Variants in RIMKLB observed in about 807,000 individuals in gnomAD.
RIMKLB encodes beta-citrylglutamate synthase B.
A neutral mutation model predicts 32.0 loss-of-function variants in RIMKLB; 7 were observed. The observed-to-expected ratio is 0.22, with a 90% confidence interval of 0.12 to 0.41. The LOEUF is 0.41. Among genes scored for constraint, RIMKLB ranks in the 10% least tolerant of loss-of-function variants. The probability of loss-of-function intolerance (pLI) is 1.00; values close to 1 mark genes in which losing one functional copy is unlikely to be tolerated. For missense variants in RIMKLB, 289 were observed against 498.7 expected, an observed-to-expected ratio of 0.58 and a Z score of 4.00; for synonymous variants, 172 against 185.1, an observed-to-expected ratio of 0.93 and a Z score of 0.57.
chr12:8,758,563 G>A (rs1411925722), intron 5 of RIMKLB, among the ~76,000 whole-genome samples: 1 of 151,990 alleles, frequency 6.6e-6, no homozygotes, highest in Admixed American at 6.6e-5. Context: ...TTAATGTCAA[G>A]CATATTCATC....
chr12:8,703,018 G>A lies in RIMKLB; in HGVS notation c.-57+4721G>A, dbSNP rs1185425965. Among the ~76,000 whole-genome samples, 6 of 152,282 alleles carry A rather than the reference G, an allele frequency of 3.9e-5. No homozygotes were observed. In the South Asian group the frequency reaches 6.2e-4, roughly 16 times the overall value. ...AAATGTTTGGAGGCTGGGCATGGTGGCTCACACCTGTAATCCCAACACTTT... is the reference window on the plus strand; with the variant it reads ...AAATGTTTGGAGGCTGGGCATGGTGACTCACACCTGTAATCCCAACACTTT... On this transcript the variant is annotated intron_variant, in intron 1 of 5. Coordinates refer to ENST00000535829, the MANE Select transcript of RIMKLB (RefSeq NM_001297776.2).
upstream of RIMKLB, among the ~76,000 whole-genome samples, chr12:8,695,035 T>G (rs906972105): frequency 6.6e-6 from 1 of 152,194 alleles, no homozygotes; most frequent in Non-Finnish European, 1.5e-5. Context: ...TGATCTTCAT[T>G]TTGCTGATGA....
At chr12:8,736,841 C>T (rs774636985) in intron 2 of RIMKLB, among the ~76,000 whole-genome samples, 2 of 151,524 alleles carry the variant, frequency 1.3e-5, no homozygotes, top group African/African-American at 2.4e-5. Context: ...GACGGAGTTT[C>T]GCTCTTCTTG....
At chr12:8,762,064 G>A (rs1490975926) in intron 5 of RIMKLB, among the ~76,000 whole-genome samples, 1 of 152,166 alleles carries the variant, frequency 6.6e-6, no homozygotes, top group Non-Finnish European at 1.5e-5. Flanking sequence ...AAGTGCAGGG[G>A]CATATGGGTG....
intron 1 of RIMKLB, among the ~76,000 whole-genome samples, chr12:8,709,236 A>G (rs1003017229): frequency 3.9e-5 from 6 of 152,206 alleles, no homozygotes; most frequent in African/African-American, 1.4e-4. Context: ...CTGAATTTTA[A>G]GATTCTGGAT....
At chr12:8,770,804 A>T (rs188301847) in intron 5 of RIMKLB, among the ~76,000 whole-genome samples, 30 of 152,146 alleles carry the variant, frequency 2.0e-4, no homozygotes, top group African/African-American at 7.0e-4. Context: ...CCAACTTCCC[A>T]CCTCACCCCC....
chr12:8,740,971 G>T (rs1197051716), intron 2 of RIMKLB, among the ~76,000 whole-genome samples: 1 of 152,090 alleles, frequency 6.6e-6, no homozygotes, highest in East Asian at 1.9e-4. Context: ...CATTTTGGGA[G>T]ACTGAGGCGG....
intron 1 of RIMKLB, among the ~76,000 whole-genome samples, chr12:8,713,206 C>G (rs1213857295): frequency 6.6e-6 from 1 of 151,988 alleles, no homozygotes; most frequent in Non-Finnish European, 1.5e-5. Flanking sequence ...TATTGAGAGC[C>G]CTTTTGCTCA....
At chr12:8,671,338 C>T in the RIMKLB span, among the ~76,000 whole-genome samples, 3 of 151,890 alleles carry the variant, frequency 2.0e-5, no homozygotes, top group Admixed American at 2.0e-4. Context: ...GCAAATTCTG[C>T]TTCCCAGGTT....
Position 8,714,055 on chromosome 12 carries a change from C to T in RIMKLB, c.175+14C>T, listed in dbSNP as rs1316024992. 1.2e-6 allele frequency: 2 copies of T among 1,609,246 alleles called. No homozygotes were observed. The highest frequency in any genetic ancestry group is 1.7e-6 in the Non-Finnish European group (2 of 1,176,196). On this transcript the variant is annotated intron_variant, in intron 2 of 5. Coordinates refer to ENST00000535829, the MANE Select transcript of RIMKLB (RefSeq NM_001297776.2). The stretch of plus-strand genomic sequence containing the variant: ...AAGGAAACCTGGGTAAGTCTGTATA[C>T]TAAGTGATCTTTTGGATTTTTACCT...
chr12:8,781,456 C>T (rs928302471), downstream of RIMKLB, among the ~76,000 whole-genome samples: 1 of 152,214 alleles, frequency 6.6e-6, no homozygotes, highest in African/African-American at 2.4e-5. Context: ...TCTCTTCCAG[C>T]TGGCTATCTA....
At chr12:8,717,090 T>A (rs12322748) in intron 2 of RIMKLB, among the ~76,000 whole-genome samples, 2 of 151,002 alleles carry the variant, frequency 1.3e-5, no homozygotes, top group South Asian at 4.2e-4. Context: ...TTACATTTTT[T>A]ATGTATTATT....
intron 5 of RIMKLB, among the ~76,000 whole-genome samples, chr12:8,764,891 C>T (rs1949829903): frequency 6.6e-6 from 1 of 151,252 alleles, no homozygotes. Flanking sequence ...CTTTCTGTTC[C>T]AGAGCCTCCA....
chr12:8,702,323 C>T (rs1943480059), intron 1 of RIMKLB, among the ~76,000 whole-genome samples: 1 of 152,154 alleles, frequency 6.6e-6, no homozygotes, highest in Non-Finnish European at 1.5e-5. Context: ...GAAATGCGTA[C>T]TAATTTGTGA....
chr12:8,697,224 T>G (rs1352313891), upstream of RIMKLB: 1 of 152,248 alleles, frequency 6.6e-6, no homozygotes, highest in Non-Finnish European at 1.5e-5. Flanking sequence ...CCACCCCGCC[T>G]GTATCTCCAA....
intron 2 of RIMKLB, among the ~76,000 whole-genome samples, chr12:8,733,868 G>A (rs1333960639): frequency 6.6e-6 from 1 of 152,154 alleles, no homozygotes; most frequent in Non-Finnish European, 1.5e-5. Context: ...GACACAGTGA[G>A]ACCCTGTCTC....
At chr12:8,768,113 C>A (rs1950117731) in intron 5 of RIMKLB, among the ~76,000 whole-genome samples, 1 of 152,140 alleles carries the variant, frequency 6.6e-6, no homozygotes, top group Non-Finnish European at 1.5e-5. Flanking sequence ...AGTGTTATAG[C>A]TCTATTAGAA....
At chr12:8,703,336 A>C (rs1039838855) in intron 1 of RIMKLB, among the ~76,000 whole-genome samples, 1 of 152,056 alleles carries the variant, frequency 6.6e-6, no homozygotes, top group Non-Finnish European at 1.5e-5. Flanking sequence ...TTCCAGAAGA[A>C]CTTTTTTAAG....
intron 2 of RIMKLB, among the ~76,000 whole-genome samples, chr12:8,749,318 C>A (rs1461956780): frequency 6.6e-6 from 1 of 151,580 alleles, no homozygotes; most frequent in East Asian, 1.9e-4. Flanking sequence ...TCAAGTGATT[C>A]TCCTGCCTCA....
Sources: allele counts gnomAD v4.1 joint callset (sites outside exome capture counted in the v4.1 genomes callset), GRCh38; gene constraint gnomAD v4.1.1; transcripts MANE v1.5; gene names NCBI Gene and HGNC (gene_info 2026-07-23, HGNC 2026-07-21).